The following PARD3B variants were observed in gnomAD, a reference collection of about 807,000 sequenced individuals.
PARD3B encodes the protein partitioning defective 3 homolog B.
Under a neutral mutation model 130.2 loss-of-function variants are expected in PARD3B, and 103 were observed. The observed-to-expected ratio is 0.79, with a 90% confidence interval of 0.67 to 0.93. The LOEUF (loss-of-function observed/expected upper bound fraction) is 0.93. PARD3B is among the 40% of genes least tolerant of loss of function. The pLI is 0.00. For synonymous variants in PARD3B, 583 were observed against 553.2 expected (o/e 1.05, Z -0.76); for missense variants, 1,609 against 1,499.2 (o/e 1.07, Z -1.21).
intron 2 of PARD3B, among the ~76,000 whole-genome samples, chr2:204,864,984 TAAA>T (rs1387788918): frequency 2.0e-5 from 3 of 152,102 alleles, no homozygotes; most frequent in African/African-American, 7.2e-5. Flanking sequence ...AGACAGTTCT[TAAA>T]AGAAGACATA....
chr2:205,185,311 C>T (rs947458378), intron 13 of PARD3B, among the ~76,000 whole-genome samples: 1 of 152,014 alleles, frequency 6.6e-6, no homozygotes, highest in African/African-American at 2.4e-5. Context: ...AAATGGTGGA[C>T]AGATATACTA....
intron 21 of PARD3B, among the ~76,000 whole-genome samples, chr2:205,543,422 GAA>G (rs1229611822): frequency 6.6e-6 from 1 of 152,162 alleles, no homozygotes. Context: ...AAACCACTGA[GAA>G]TACTTGCAGA....
At position 205,188,783 on chromosome 2, in the gene PARD3B, CAAAAAAA is replaced by C. The variant is rs68034154; in HGVS notation, c.2024+2934_2024+2940del. Among the ~76,000 whole-genome samples, 965 of 97,424 alleles carry C rather than the reference CAAAAAAA, an allele frequency of 9.9e-3. 10 individuals are homozygous for C. Among genetic ancestry groups the C allele is most frequent in the African/African-American group, 0.033 (865 of 26,576 alleles). The allele number at this position is 97,424 out of a possible 152,430, so 63.9% of individuals were successfully genotyped here. On this transcript the variant is annotated intron_variant, in intron 14 of 22. Coordinates refer to ENST00000406610, the MANE Select transcript of PARD3B (RefSeq NM_001302769.2). The stretch of plus-strand genomic sequence containing the variant: ...AAAGGCTCTCCTGCCTTCTGCCTTT[CAAAAAAA>C]AAAAAAAAAAAAAGGAAAAGCCCTC...
chr2:205,070,291 C>A (rs1700643697), intron 4 of PARD3B, among the ~76,000 whole-genome samples: 1 of 151,890 alleles, frequency 6.6e-6, no homozygotes, highest in Admixed American at 6.6e-5. Context: ...ATGAAATTAG[C>A]AGTTTTTAAT....
At chr2:204,862,183 T>A (rs1433809300) in intron 2 of PARD3B, among the ~76,000 whole-genome samples, 1 of 152,162 alleles carries the variant, frequency 6.6e-6, no homozygotes, top group Non-Finnish European at 1.5e-5. Flanking sequence ...GATACAGCTC[T>A]TTTTCCTTGT....
intron 1 of PARD3B, among the ~76,000 whole-genome samples, chr2:204,590,656 C>G (rs1487175545): frequency 6.6e-6 from 1 of 152,076 alleles, no homozygotes; most frequent in Non-Finnish European, 1.5e-5. Context: ...TTGCTTGCAG[C>G]CAGAAGGAAA....
intron 2 of PARD3B, among the ~76,000 whole-genome samples, chr2:204,761,911 C>T (rs2040915066): frequency 6.6e-6 from 1 of 151,920 alleles, no homozygotes; most frequent in South Asian, 2.1e-4. Flanking sequence ...GCCCTAGTGT[C>T]ATGATATTTT....
At chr2:205,019,715 A>G (rs534312615) in intron 3 of PARD3B, among the ~76,000 whole-genome samples, 1 of 152,198 alleles carries the variant, frequency 6.6e-6, no homozygotes. Context: ...TTTGATTTTC[A>G]TTTCTCTGAA....
intron 2 of PARD3B, among the ~76,000 whole-genome samples, chr2:204,694,995 A>C (rs1173291513): frequency 6.6e-6 from 1 of 152,098 alleles, no homozygotes; most frequent in Admixed American, 6.6e-5. Flanking sequence ...AGTAAACCAT[A>C]AGAAAATGTT....
chr2:204,952,430 C>G (rs1420089619), intron 2 of PARD3B, among the ~76,000 whole-genome samples: 2 of 152,034 alleles, frequency 1.3e-5, no homozygotes, highest in Non-Finnish European at 2.9e-5. Context: ...ATTACTGGTT[C>G]CAGGTGAGTG....
At position 205,230,767 on chromosome 2, in the gene PARD3B, T is replaced by C. The variant is rs2038796301; in HGVS notation, c.2141-15011T>C. The stretch of plus-strand genomic sequence containing the variant: ...AAGTCTGTTTAGGACCCCAGAGCGC[T>C]TTAGCCTGCAGTGCCAAGGCTTGGC... On this transcript the variant is annotated intron_variant, in intron 15 of 22. Transcript: ENST00000406610. The surrounding 1 kb of genome is among the most constrained non-coding windows in gnomAD (Gnocchi z 4.1). 6.6e-6 allele frequency among the ~76,000 whole-genome samples: 1 copy of C among 152,148 alleles called. No homozygotes were observed. The highest frequency in any genetic ancestry group is 1.5e-5 in the Non-Finnish European group (1 of 68,022).
At chr2:205,376,740 G>A (rs1394749614) in intron 18 of PARD3B, among the ~76,000 whole-genome samples, 2 of 152,124 alleles carry the variant, frequency 1.3e-5, no homozygotes, top group African/African-American at 4.8e-5. Flanking sequence ...AATCATTACT[G>A]AGCAGTCCTG....
At chr2:205,393,827 A>G (rs1288154636) in intron 18 of PARD3B, among the ~76,000 whole-genome samples, 3 of 152,180 alleles carry the variant, frequency 2.0e-5, no homozygotes, top group Non-Finnish European at 4.4e-5. Flanking sequence ...CAAGCTGTAC[A>G]TATTGTAAAT....
intron 21 of PARD3B, among the ~76,000 whole-genome samples, chr2:205,532,927 A>C (rs983910987): frequency 4.6e-5 from 7 of 152,178 alleles, no homozygotes; most frequent in African/African-American, 1.7e-4. Flanking sequence ...TAAGATATTA[A>C]AGTGTGCTGC....
chr2:205,432,765 G>A (rs138134158), intron 19 of PARD3B, among the ~76,000 whole-genome samples: 3 of 152,060 alleles, frequency 2.0e-5, no homozygotes, highest in African/African-American at 7.2e-5. Flanking sequence ...AGTAGCTGCT[G>A]TATTTAATAA....
intron 2 of PARD3B, among the ~76,000 whole-genome samples, chr2:204,925,408 T>C (rs1687525510): frequency 6.6e-6 from 1 of 152,062 alleles, no homozygotes; most frequent in South Asian, 2.1e-4. Context: ...TCCCACCCTC[T>C]TTGATGAGTA....
chr2:205,213,711 CA>C (rs1246416414), intron 15 of PARD3B, among the ~76,000 whole-genome samples: 3 of 152,228 alleles, frequency 2.0e-5, no homozygotes, highest in East Asian at 3.9e-4. Flanking sequence ...ACCATACGCT[CA>C]TATTCACTTA....
intron 1 of PARD3B, among the ~76,000 whole-genome samples, chr2:204,681,659 GT>G (rs2036841404): frequency 6.6e-6 from 1 of 152,058 alleles, no homozygotes; most frequent in Admixed American, 6.6e-5. Context: ...CAAAACTCTT[GT>G]TTTTCCCTGC....
intron 16 of PARD3B, among the ~76,000 whole-genome samples, chr2:205,247,563 A>G (rs550572856): frequency 1.3e-5 from 2 of 152,344 alleles, no homozygotes; most frequent in South Asian, 4.1e-4. Flanking sequence ...CACTGTTTAA[A>G]TACTTCTGAT....
Sources: allele counts gnomAD v4.1 joint callset (sites outside exome capture counted in the v4.1 genomes callset), GRCh38; gene constraint gnomAD v4.1.1; non-coding constraint Gnocchi (gnomAD v3.1); transcripts MANE v1.5; gene names NCBI Gene and HGNC (gene_info 2026-07-23, HGNC 2026-07-21).